SPANXN2: variants seen among roughly 807,000 people sequenced by gnomAD.
SPANXN2 encodes sperm protein associated with the nucleus on the X chromosome N2.
A neutral mutation model predicts 2.0 loss-of-function variants in SPANXN2; 1 was observed. The observed-to-expected ratio is 0.50, with a 90% CI of 0.18 to 2.36. The LOEUF is 2.36. Ranked by LOEUF, SPANXN2 falls within the 30% of genes most tolerant of loss-of-function variation. The pLI is 0.26. For missense variants in SPANXN2, 88 were observed against 116.7 expected (o/e 0.75, Z 1.13); for synonymous variants, 43 against 49.8 (o/e 0.86, Z 0.58).
At chrX:143,720,228 A>T (rs1456814565) in intron 1 of SPANXN2, among the ~76,000 whole-genome samples, 13 of 111,114 alleles carry the variant, frequency 1.2e-4, no homozygotes, top group African/African-American at 3.9e-4. Flanking sequence ...CCATGAGAAA[A>T]ATCTTGCCTA....
intron 1 of SPANXN2, among the ~76,000 whole-genome samples, chrX:143,713,828 A>C (rs1192326911): frequency 9.0e-6 from 1 of 110,740 alleles, no homozygotes; most frequent in Non-Finnish European, 1.9e-5. Context: ...ACATAATCTA[A>C]AAAACTTTCT....
chrX:143,720,364 T>C (rs1417267318), intron 1 of SPANXN2, among the ~76,000 whole-genome samples: 3 of 98,602 alleles, frequency 3.0e-5, no homozygotes, highest in African/African-American at 1.1e-4. Context: ...AGCCTGATCA[T>C]AAAAACATCT....
At chrX:143,719,345 C>T (rs1238289989) in intron 1 of SPANXN2, among the ~76,000 whole-genome samples, 1 of 111,750 alleles carries the variant, frequency 8.9e-6, no homozygotes, top group Non-Finnish European at 1.9e-5. Context: ...TATCCTTCTG[C>T]GCTGTCAGGA....
At chrX:143,715,669 G>A (rs782262169) in intron 1 of SPANXN2, among the ~76,000 whole-genome samples, 1 of 104,793 alleles carries the variant, frequency 9.5e-6, no homozygotes, top group African/African-American at 3.4e-5. Flanking sequence ...CTTGCTTAGG[G>A]GGTCTCAAAC....
chrX:143,712,653 T>C (rs1192272816), intron 1 of SPANXN2, among the ~76,000 whole-genome samples, 154 bp from the exon 2 acceptor site: 2 of 110,382 alleles, frequency 1.8e-5, no homozygotes, highest in Non-Finnish European at 3.8e-5. Context: ...TAGTGATCTA[T>C]GGGGAAGAAG....
intron 1 of SPANXN2, among the ~76,000 whole-genome samples, chrX:143,712,848 C>T (rs1279779512): frequency 1.5e-4 from 17 of 111,817 alleles, no homozygotes; most frequent in African/African-American, 4.9e-4. Flanking sequence ...CCTATCATAT[C>T]TTGCTTGGCA....
rs142718403 is a variant in SPANXN2 at position 143,715,504 on chromosome X, C to T, written c.79-3005G>A. On this transcript the variant is annotated intron_variant, in intron 1 of 1. Coordinates refer to ENST00000598475, the Ensembl canonical transcript of SPANXN2. ...ACACCCAAACGCTTCCCTCTCCCCC[C>T]ACTCATCCTCATTATCCACCCTGTT... 6.8e-3 allele frequency among the ~76,000 whole-genome samples: 749 copies of T among 109,628 alleles called. 5 individuals are homozygous for T. Among genetic ancestry groups the T allele is most frequent in the South Asian group, 0.033 (80 of 2,459 alleles).
chrX:143,720,379 A>G (rs183448810), intron 1 of SPANXN2, among the ~76,000 whole-genome samples: 2,664 of 95,876 alleles, frequency 0.028, 53 homozygotes, highest in Non-Finnish European at 0.043. Context: ...ACATCTTATC[A>G]ATATCCTGCC....
chrX:143,717,791 C>T (rs1201845688), intron 1 of SPANXN2, among the ~76,000 whole-genome samples: 2 of 111,851 alleles, frequency 1.8e-5, no homozygotes, highest in African/African-American at 3.3e-5. Flanking sequence ...ACACACCAGA[C>T]CTGAGGACAC....
chrX:143,714,799 A>G (rs1432604571), intron 1 of SPANXN2, among the ~76,000 whole-genome samples: 7 of 112,055 alleles, frequency 6.2e-5, no homozygotes, highest in Admixed American at 4.7e-4. Context: ...ACTTAATCAA[A>G]GTGGCCTTCA....
intron 1 of SPANXN2, among the ~76,000 whole-genome samples, chrX:143,719,957 T>C (rs145919763): frequency 2.7e-5 from 3 of 110,235 alleles, no homozygotes; most frequent in Non-Finnish European, 3.8e-5. Context: ...CAGCAACACA[T>C]TGATACCATC....
intron 1 of SPANXN2, among the ~76,000 whole-genome samples, chrX:143,717,524 C>T (rs376081544): frequency 8.9e-6 from 1 of 111,944 alleles, no homozygotes; most frequent in African/African-American, 3.2e-5. Context: ...AGGAAAAAAA[C>T]CCACTTGCCC....
intron 1 of SPANXN2, among the ~76,000 whole-genome samples, chrX:143,715,577 C>G (rs1335969648): frequency 9.3e-6 from 1 of 107,546 alleles, no homozygotes; most frequent in Non-Finnish European, 1.9e-5. Flanking sequence ...CCCACAATAG[C>G]CACACATCAC....
At chrX:143,712,978 C>T (rs1556448773) in intron 1 of SPANXN2, among the ~76,000 whole-genome samples, 1 of 111,727 alleles carries the variant, frequency 9.0e-6, no homozygotes, top group African/African-American at 3.3e-5. Context: ...TCCCTCCTGC[C>T]CATCCCTGTA....
rs781799865 is a variant in SPANXN2, at chrX:143,714,689, G to C, written c.79-2190C>G. Among the ~76,000 whole-genome samples the C allele has an allele frequency of 8.1e-5, 9 of 111,365 alleles. No homozygotes were observed. In the South Asian group the frequency reaches 3.4e-3, roughly 43 times the overall value. On this transcript the variant is annotated intron_variant, in intron 1 of 1. Transcript: ENST00000598475. ...CACCTTAAGCCCTAATACCAATAAG[G>C]GCAAAAACTACCTCCATTTATACTT...
At chrX:143,712,016 T>A in exon 2 of SPANXN2, 1 of 1,212,185 alleles carries the variant, frequency 8.2e-7, no homozygotes, top group East Asian at 3.0e-5. Flanking sequence ...TTTGTCCAAT[T>A]TGGTTTCTCC....
intron 1 of SPANXN2, among the ~76,000 whole-genome samples, chrX:143,718,437 C>T (rs1382888159): frequency 9.0e-6 from 1 of 111,659 alleles, no homozygotes; most frequent in Non-Finnish European, 1.9e-5. Context: ...CAGACTCCTC[C>T]TCCCCCGCTC....
At chrX:143,713,856 A>C (rs1932209443) in intron 1 of SPANXN2, among the ~76,000 whole-genome samples, 1 of 107,813 alleles carries the variant, frequency 9.3e-6, no homozygotes, top group East Asian at 3.0e-4. Context: ...AATGGTAAAT[A>C]ATCTGAAGTG....
intron 1 of SPANXN2, among the ~76,000 whole-genome samples, chrX:143,717,612 C>T (rs1195445419): frequency 3.6e-5 from 4 of 112,338 alleles, no homozygotes; most frequent in Non-Finnish European, 7.5e-5. Flanking sequence ...ACCTTCTGTA[C>T]TTTCATATGT....
Sources: gnomAD v4.1 joint callset for allele counts (sites outside exome capture counted in the v4.1 genomes callset) on GRCh38, gnomAD v4.1.1 for gene constraint, MANE v1.5 for transcripts, NCBI Gene and HGNC (gene_info 2026-07-23, HGNC 2026-07-21) for gene names.